Variants in DCC observed in about 807,000 individuals in gnomAD.
DCC encodes netrin receptor DCC.
Under a neutral mutation model 172.5 loss-of-function variants are expected in DCC, and 58 were observed. The ratio of observed to expected loss-of-function variants is 0.34; its 90% confidence interval spans 0.27 to 0.42. The LOEUF (loss-of-function observed/expected upper bound fraction) is 0.42. DCC is among the 10% of genes least tolerant of loss of function. The pLI, the probability that DCC is intolerant of heterozygous loss-of-function variation, is 1.00. For synonymous variants in DCC, 709 were observed against 644.5 expected (o/e 1.10, Z -1.52); for missense variants, 1,740 against 1,791.0 (o/e 0.97, Z 0.51).
intron 1 of DCC, among the ~76,000 whole-genome samples, chr18:52,583,134 T>G (rs1353458317): frequency 6.6e-6 from 1 of 152,186 alleles, no homozygotes; most frequent in African/African-American, 2.4e-5. Flanking sequence ...AACTATAATA[T>G]CTGATATTTT....
chr18:53,027,543 T>C (rs1456989129), intron 5 of DCC, among the ~76,000 whole-genome samples: 1 of 152,164 alleles, frequency 6.6e-6, no homozygotes, highest in African/African-American at 2.4e-5. Context: ...CTGACAAAAG[T>C]AGAGCTTCAG....
At chr18:53,504,790 C>A (rs6508234) in intron 27 of DCC, among the ~76,000 whole-genome samples, 17,639 of 152,090 alleles carry the variant, frequency 0.12, 3,160 homozygotes, top group African/African-American at 0.39. Context: ...AGTCATTATG[C>A]GTAAGCCAAG....
At chr18:53,355,072 A>T (rs1268200974) in intron 15 of DCC, among the ~76,000 whole-genome samples, 1 of 151,988 alleles carries the variant, frequency 6.6e-6, no homozygotes, top group South Asian at 2.1e-4. Flanking sequence ...TTTGTCTAAG[A>T]TCAGATGGTT....
chr18:52,873,680 T>G (rs2039357963), intron 2 of DCC, among the ~76,000 whole-genome samples: 1 of 152,210 alleles, frequency 6.6e-6, no homozygotes, highest in African/African-American at 2.4e-5. Context: ...GGCTTGTTCT[T>G]CCTAAACTAC....
chr18:52,982,731 T>C (rs777153548), intron 5 of DCC, among the ~76,000 whole-genome samples: 4 of 152,190 alleles, frequency 2.6e-5, no homozygotes, highest in Admixed American at 6.6e-5. Flanking sequence ...TAGGTTCTTA[T>C]AGATTATCCT....
chr18:52,763,230 C>T (rs62081913), intron 2 of DCC, among the ~76,000 whole-genome samples: 4,237 of 152,312 alleles, frequency 0.028, 84 homozygotes, highest in Middle Eastern at 0.082. Context: ...ACTTCACCAA[C>T]TAGAAACCTA....
intron 22 of DCC, among the ~76,000 whole-genome samples, chr18:53,443,206 T>A (rs1912384753): frequency 6.6e-6 from 1 of 152,122 alleles, no homozygotes; most frequent in African/African-American, 2.4e-5. Flanking sequence ...GGCTTCAAAG[T>A]TTCAAAGGAC....
At chr18:52,403,052 G>T (rs191132176) in intron 1 of DCC, among the ~76,000 whole-genome samples, 76 of 152,132 alleles carry the variant, frequency 5.0e-4, no homozygotes, top group African/African-American at 1.8e-3. Context: ...TTAACAGAAG[G>T]ATTTGGCTAA....
intron 5 of DCC, among the ~76,000 whole-genome samples, chr18:53,008,142 A>G (rs2041673038): frequency 8.6e-6 from 1 of 115,998 alleles, no homozygotes; most frequent in South Asian, 3.7e-4. Context: ...TCTGACTATA[A>G]TAAGAAAATA....
chr18:53,427,970 ATATAAT>A (rs1247110051), intron 21 of DCC, among the ~76,000 whole-genome samples: 39 of 61,004 alleles, frequency 6.4e-4, no homozygotes, highest in Non-Finnish European at 9.6e-4. Context: ...ATAATATAAT[ATATAAT>A]ATAATATAAT....
Position 52,906,174 on chromosome 18 carries a change from T to A in DCC, c.543T>A (p.Thr181=). Residue 181 remains threonine (T), a synonymous_variant, in exon 3 of 29, where the codon ACT becomes ACA. Transcript: ENST00000442544. ...GGCAGAAGAACCAACAAGACCTGAC[T>A]CCAATCCCAGGTGACTCCCGAGTGG... ...IHWQKNQQDL[T]PIPGDSRVVV... The A allele has an allele frequency of 6.2e-7, 1 of 1,614,028 alleles. No individual in the cohort carries two copies. The highest frequency in any genetic ancestry group is 1.1e-5 in the South Asian group (1 of 91,066).
At chr18:52,863,731 C>A (rs1442039641) in intron 2 of DCC, among the ~76,000 whole-genome samples, 2 of 151,824 alleles carry the variant, frequency 1.3e-5, no homozygotes, top group African/African-American at 4.8e-5. Flanking sequence ...GCTATTTAAT[C>A]TATTTTTAAC....
At chr18:53,134,026 G>C (rs1304005025) in intron 7 of DCC, among the ~76,000 whole-genome samples, 1 of 152,138 alleles carries the variant, frequency 6.6e-6, no homozygotes, top group African/African-American at 2.4e-5. Flanking sequence ...GAGTCAGATG[G>C]GGTGGGATAT....
intron 14 of DCC, among the ~76,000 whole-genome samples, chr18:53,326,632 A>G (rs1251885315): frequency 6.6e-6 from 1 of 152,210 alleles, no homozygotes; most frequent in Non-Finnish European, 1.5e-5. Flanking sequence ...ATTTCCTTAA[A>G]TATTCATCTC....
At chr18:52,961,987 C>A (rs560463073) in intron 5 of DCC, among the ~76,000 whole-genome samples, 1 of 152,096 alleles carries the variant, frequency 6.6e-6, no homozygotes, top group African/African-American at 2.4e-5. Flanking sequence ...AAATGTTAGA[C>A]CTAAAACCAT....
intron 1 of DCC, among the ~76,000 whole-genome samples, chr18:52,612,056 T>C (rs1312239917): frequency 6.6e-6 from 1 of 152,228 alleles, no homozygotes; most frequent in Non-Finnish European, 1.5e-5. Flanking sequence ...TCCACACTTC[T>C]GTGGGTTGAT....
chr18:52,941,929 C>T (rs996298710), intron 5 of DCC, among the ~76,000 whole-genome samples: 3 of 152,086 alleles, frequency 2.0e-5, no homozygotes, highest in South Asian at 2.1e-4. Flanking sequence ...ATTACAGGCA[C>T]CTGCCACCAT....
In DCC at chr18:53,494,229, G is replaced by A. The variant is rs144082713; in HGVS notation, c.3899-5069G>A. On this transcript the variant is annotated intron_variant, in intron 26 of 28. Transcript: ENST00000442544. ...TCCGTTCCTTTCCATTTGCTGAAGA[G>A]TGTTTTACCTCCAATTATATGGTCA... Among the ~76,000 whole-genome samples the A allele has an allele frequency of 3.0e-3, 463 of 152,284 alleles. 1 individual carries two copies. The highest frequency in any genetic ancestry group is 9.7e-3 in the African/African-American group (405 of 41,550).
chr18:52,384,225 G>A (rs886498768), intron 1 of DCC, among the ~76,000 whole-genome samples: 2 of 152,086 alleles, frequency 1.3e-5, no homozygotes, highest in African/African-American at 4.8e-5. Flanking sequence ...AATGATTAAT[G>A]TCACATAACC....
Sources: gnomAD v4.1 joint callset for allele counts (sites outside exome capture counted in the v4.1 genomes callset) on GRCh38, gnomAD v4.1.1 for gene constraint, MANE v1.5 for transcripts, NCBI Gene and HGNC (gene_info 2026-07-23, HGNC 2026-07-21) for gene names.